TMEFF2: variants seen among roughly 807,000 people sequenced by gnomAD.
The protein encoded by TMEFF2 is transmembrane protein with EGF like and two follistatin like domains 2.
Under a neutral mutation model 53.8 loss-of-function variants are expected in TMEFF2, and 28 were observed. That is an observed-to-expected ratio of 0.52 (90% CI 0.39 to 0.71). The LOEUF (loss-of-function observed/expected upper bound fraction) is 0.71. TMEFF2 is among the 30% of genes least tolerant of loss of function. The pLI, the probability that TMEFF2 is intolerant of heterozygous loss-of-function variation, is 0.00. For synonymous variants in TMEFF2, 162 were observed against 166.3 expected, an observed-to-expected ratio of 0.97 and a Z score of 0.20; for missense variants, 353 against 455.2, an observed-to-expected ratio of 0.78 and a Z score of 2.04.
chr2:192,078,402 C>T (rs1688481643), intron 4 of TMEFF2, among the ~76,000 whole-genome samples: 1 of 152,130 alleles, frequency 6.6e-6, no homozygotes, highest in African/African-American at 2.4e-5. Flanking sequence ...TGAATTAACT[C>T]CTTGGATCTG....
At chr2:192,136,823 A>G (rs16824108) in intron 4 of TMEFF2, among the ~76,000 whole-genome samples, 3,568 of 152,256 alleles carry the variant, frequency 0.023, 118 homozygotes, top group African/African-American at 0.072. Context: ...ATAAACAACT[A>G]ACTTTAGATT....
rs117070864 is a variant in TMEFF2 at position 192,028,411 on chromosome 2, A to G, written c.537-29203T>C. Among the ~76,000 whole-genome samples the G allele has an allele frequency of 9.2e-5, 14 of 152,286 alleles. No homozygotes were observed. In the East Asian group the frequency reaches 1.4e-3, roughly 15 times the overall value. On this transcript the variant is annotated intron_variant, in intron 5 of 9. Transcript: ENST00000272771. ...CTTTTGTTCAAACCAGAGCTTGTTT[A>G]TCACAGAGAAAGATGGCAATAATGT...
chr2:192,164,610 C>T (rs1333414303), intron 4 of TMEFF2, among the ~76,000 whole-genome samples: 2 of 151,966 alleles, frequency 1.3e-5, no homozygotes, highest in African/African-American at 4.8e-5. Flanking sequence ...TGCCTGCAAT[C>T]CCAGCTACTC....
chr2:192,007,902 A>G (rs897252361), intron 5 of TMEFF2, among the ~76,000 whole-genome samples: 8 of 152,206 alleles, frequency 5.3e-5, no homozygotes, highest in Non-Finnish European at 8.8e-5. Flanking sequence ...GTAGTGAAGC[A>G]CTAAGGCAAA....
intron 7 of TMEFF2, among the ~76,000 whole-genome samples, chr2:191,959,624 A>ATGTGTGTG (rs10687431): frequency 6.6e-6 from 1 of 152,008 alleles, no homozygotes; most frequent in East Asian, 1.9e-4. Flanking sequence ...CAGTATGTAC[A>ATGTGTGTG]TGTGTGTGTA....
intron 4 of TMEFF2, among the ~76,000 whole-genome samples, chr2:192,075,797 A>C (rs1251746507): frequency 1.3e-5 from 2 of 151,998 alleles, no homozygotes; most frequent in Non-Finnish European, 2.9e-5. Flanking sequence ...AGAAAAAGAG[A>C]TTTTCAATTT....
chr2:192,022,552 C>T (rs1160065787), intron 5 of TMEFF2, among the ~76,000 whole-genome samples: 1 of 152,120 alleles, frequency 6.6e-6, no homozygotes, highest in Non-Finnish European at 1.5e-5. Context: ...GGCTTTGTTT[C>T]TTTGGTAGAA....
intron 5 of TMEFF2, among the ~76,000 whole-genome samples, chr2:192,003,275 T>G (rs916073524): frequency 5.9e-5 from 9 of 152,140 alleles, no homozygotes; most frequent in Non-Finnish European, 1.3e-4. Flanking sequence ...TCTCACAGCT[T>G]GAAAATCGAA....
chr2:192,040,036 A>G (rs1687434019), intron 5 of TMEFF2, among the ~76,000 whole-genome samples: 1 of 152,132 alleles, frequency 6.6e-6, no homozygotes, highest in Non-Finnish European at 1.5e-5. Flanking sequence ...AAATAATTTT[A>G]TGTAATTTAT....
chr2:192,056,516 C>CT (rs1226237451), intron 5 of TMEFF2, among the ~76,000 whole-genome samples: 1 of 152,160 alleles, frequency 6.6e-6, no homozygotes, highest in African/African-American at 2.4e-5. Context: ...GAGTTATTCA[C>CT]TTTTCAATGT....
At chr2:191,993,687 A>G (rs1409737425) in intron 7 of TMEFF2, among the ~76,000 whole-genome samples, 1 of 152,048 alleles carries the variant, frequency 6.6e-6, no homozygotes, top group Non-Finnish European at 1.5e-5. Context: ...AAAATTGGAA[A>G]TACCCATAAA....
At chr2:192,099,747 A>T (rs1215338984) in intron 4 of TMEFF2, among the ~76,000 whole-genome samples, 2 of 151,222 alleles carry the variant, frequency 1.3e-5, no homozygotes, top group Admixed American at 6.6e-5. Flanking sequence ...TCCCATGCAT[A>T]TGTATTCCCA....
chr2:192,075,306 T>TATATATATATAAATATAA (rs1688394074), intron 4 of TMEFF2, among the ~76,000 whole-genome samples: 1 of 57,764 alleles, frequency 1.7e-5, no homozygotes, highest in Non-Finnish European at 3.7e-5. Context: ...TATATATATA[T>TATATATATATAAATATAA]ATATATATAT....
chr2:192,116,295 AG>A (rs1689403569), intron 4 of TMEFF2, among the ~76,000 whole-genome samples: 2 of 152,034 alleles, frequency 1.3e-5, no homozygotes, highest in Admixed American at 6.6e-5. Flanking sequence ...ATGGAAACTG[AG>A]AGCAGAGTGT....
intron 4 of TMEFF2, among the ~76,000 whole-genome samples, chr2:192,125,883 G>A (rs558240746): frequency 4.6e-5 from 7 of 152,278 alleles, no homozygotes; most frequent in South Asian, 2.1e-4. Context: ...GAGGAATGGC[G>A]GGAGGGCAAG....
At chr2:192,001,289 T>C (rs1170466744) in intron 5 of TMEFF2, among the ~76,000 whole-genome samples, 1 of 152,128 alleles carries the variant, frequency 6.6e-6, no homozygotes, top group Non-Finnish European at 1.5e-5. Context: ...AGATAAGATA[T>C]TAGGGCTTTG....
intron 4 of TMEFF2, among the ~76,000 whole-genome samples, chr2:192,090,018 T>C (rs1688755665): frequency 6.6e-6 from 1 of 152,194 alleles, no homozygotes; most frequent in Admixed American, 6.5e-5. Flanking sequence ...ATGTTCTACA[T>C]CATTCTATCC....
intron 5 of TMEFF2, among the ~76,000 whole-genome samples, chr2:192,008,278 G>A (rs1341844382): frequency 1.3e-5 from 2 of 152,166 alleles, no homozygotes; most frequent in Admixed American, 6.5e-5. Context: ...GAGCAAACAA[G>A]GCTCCTTTCG....
At chr2:192,164,458 G>A (rs1017592966) in intron 4 of TMEFF2, among the ~76,000 whole-genome samples, 9 of 152,136 alleles carry the variant, frequency 5.9e-5, no homozygotes, top group African/African-American at 1.7e-4. Flanking sequence ...GGCCAGGCGC[G>A]GTGGCTCATG....
Sources: gnomAD v4.1 joint callset for allele counts (sites outside exome capture counted in the v4.1 genomes callset) on GRCh38, gnomAD v4.1.1 for gene constraint, MANE v1.5 for transcripts, NCBI Gene and HGNC (gene_info 2026-07-23, HGNC 2026-07-21) for gene names.